USP6: variants seen among roughly 807,000 people sequenced by gnomAD.
USP6 encodes ubiquitin carboxyl-terminal hydrolase 6.
Under a neutral mutation model 175.7 loss-of-function variants are expected in USP6, and 128 were observed. That is an observed-to-expected ratio of 0.73 (90% CI 0.63 to 0.84). USP6 has a LOEUF of 0.84. USP6 is among the 40% of genes least tolerant of loss of function. The pLI, the probability that USP6 is intolerant of heterozygous loss-of-function variation, is 0.00. For missense variants in USP6, 1,498 were observed against 1,760.3 expected, an observed-to-expected ratio of 0.85 and a Z score of 2.67; for synonymous variants, 562 against 630.6, an observed-to-expected ratio of 0.89 and a Z score of 1.63.
chr17:5,119,020 C>T (rs1292110411), intron 2 of USP6, among the ~76,000 whole-genome samples: 7 of 152,142 alleles, frequency 4.6e-5, no homozygotes, highest in East Asian at 1.9e-4. Flanking sequence ...TCAGGCTTTT[C>T]GGCTCAAAGA....
At chr17:5,159,703 C>T (rs1425312148) in intron 31 of USP6, among the ~76,000 whole-genome samples, 1 of 152,146 alleles carries the variant, frequency 6.6e-6, no homozygotes, top group Non-Finnish European at 1.5e-5. Context: ...TGGCTCAAGC[C>T]TGTAATCCCA....
intron 21 of USP6, chr17:5,138,971 G>A (rs1186950061): frequency 6.8e-7 from 1 of 1,475,178 alleles, no homozygotes; most frequent in East Asian, 2.7e-5. Flanking sequence ...CATATCCCAG[G>A]CCCAACAGCC....
chr17:5,166,065 G>A (rs1306485724), intron 33 of USP6, among the ~76,000 whole-genome samples: 1 of 152,122 alleles, frequency 6.6e-6, no homozygotes, highest in African/African-American at 2.4e-5. Context: ...AAACACTATC[G>A]TATATGATAC....
At chr17:5,154,934 C>T (rs2073849874) in intron 30 of USP6, among the ~76,000 whole-genome samples, 1 of 152,120 alleles carries the variant, frequency 6.6e-6, no homozygotes, top group African/African-American at 2.4e-5. Flanking sequence ...TGGGGTCTCC[C>T]TACATTGCCC....
chr17:5,126,302 A>T (rs1164126979), intron 6 of USP6, among the ~76,000 whole-genome samples: 2 of 152,208 alleles, frequency 1.3e-5, no homozygotes, highest in African/African-American at 4.8e-5. Context: ...GATCCTCCCC[A>T]AAAGAGGCGT....
intron 28 of USP6, among the ~76,000 whole-genome samples, chr17:5,146,667 C>G (rs1431672371): frequency 6.6e-6 from 1 of 152,150 alleles, no homozygotes; most frequent in African/African-American, 2.4e-5. Flanking sequence ...AACAAATAAT[C>G]TAATAAATAT....
rs765892915 is a variant in USP6, at chr17:5,133,469, T to C, written c.303T>C (p.Ile101=). 1.9e-6 allele frequency: 3 copies of C among 1,611,674 alleles called. No individual in the cohort carries two copies. Among genetic ancestry groups the C allele is most frequent in the South Asian group, 2.2e-5 (2 of 90,978 alleles). Residue 101 remains isoleucine (I), a synonymous_variant, in exon 14 of 38, where the codon ATT becomes ATC. Transcript: ENST00000574788. ...TCATAGATCGAGTGTACAAGGGAATTCCCATGAACATCCGGGGCCCGGTGT... is the reference window on the plus strand; with the variant it reads ...TCATAGATCGAGTGTACAAGGGAATCCCCATGAACATCCGGGGCCCGGTGT... The part of the protein sequence containing the change: ...SKLIDRVYKG[I]PMNIRGPVWS...
In USP6 at chr17:5,161,615, G is replaced by A. The variant is rs759563760; in HGVS notation, c.2915+1G>A. The A allele has an allele frequency of 7.4e-6, 12 of 1,613,542 alleles. No homozygotes were observed. The highest frequency in any genetic ancestry group is 1.6e-4 in the Middle Eastern group (1 of 6,074). On this transcript the variant is annotated splice_donor_variant, in intron 32 of 37. Coordinates refer to ENST00000574788, the MANE Select transcript of USP6 (RefSeq NM_001304284.2). LOFTEE classifies it high-confidence loss of function. ...CCTGTGCTTGGTGCCCACAGTATAG[G>A]TAAAGTGACCTGCAAAAGAATTACT...
chr17:5,161,436 C>A, intron 31 of USP6, 92 bp from the exon 32 acceptor site: 1 of 1,349,678 alleles, frequency 7.4e-7, no homozygotes, highest in East Asian at 2.4e-5. Flanking sequence ...GGCAAATGCC[C>A]CTTCCTAGGA....
chr17:5,135,377 T>C (rs533296773), intron 16 of USP6, 95 bp downstream of exon 16: 168 of 1,469,548 alleles, frequency 1.1e-4, no homozygotes, highest in Non-Finnish European at 1.5e-4. Flanking sequence ...TTAAAGTTGG[T>C]ATTTGTGACT....
At position 5,125,096 on chromosome 17, in the gene USP6, C is replaced by A. The variant is rs1268417911; in HGVS notation, c.-768C>A. 1 of 152,160 alleles carries A rather than the reference C, an allele frequency of 6.6e-6. No homozygotes were observed. Among genetic ancestry groups the A allele is most frequent in the African/African-American group, 2.4e-5 (1 of 41,400 alleles). The allele number at this position is 152,160 out of a possible 1,614,324, so 9.4% of individuals were successfully genotyped here. On this transcript the variant is annotated 5_prime_UTR_variant, in exon 5 of 38. Coordinates refer to ENST00000574788, the MANE Select transcript of USP6 (RefSeq NM_001304284.2). Reference sequence around the variant, plus strand: ...CTGCCTCCTGTCAGATGAGCGGTGCCGTTAGATTCTCACAGAAGCATGAAC... The same window carrying A: ...CTGCCTCCTGTCAGATGAGCGGTGCAGTTAGATTCTCACAGAAGCATGAAC...
At position 5,155,614 on chromosome 17, in the gene USP6, CA is replaced by C; in HGVS notation, c.2828+9del. On this transcript the variant is annotated intron_variant, in intron 31 of 37. Transcript: ENST00000574788. ...TATTCATGCCCAGGATCGGTGAGTT[CA>C]GGGGATCCATCTAAACCTGTGGTTT... 1.2e-6 allele frequency: 2 copies of C among 1,612,672 alleles called. No homozygotes were observed. Among genetic ancestry groups the C allele is most frequent in the South Asian group, 2.2e-5 (2 of 90,876 alleles).
chr17:5,119,719 A>G (rs150099897), intron 2 of USP6, among the ~76,000 whole-genome samples: 102 of 152,302 alleles, frequency 6.7e-4, no homozygotes, highest in Non-Finnish European at 2.1e-4. Flanking sequence ...AATTATTATA[A>G]TTAATTATAA....
In USP6 at chr17:5,141,311, T is replaced by C. The variant is rs780131544; in HGVS notation, c.1499-114T>C. The C allele has an allele frequency of 3.6e-5, 34 of 934,138 alleles. 1 individual carries two copies. Among genetic ancestry groups the C allele is most frequent in the Non-Finnish European group, 5.2e-5 (32 of 612,400 alleles). 57.9% of individuals were successfully genotyped at this position (934,138 alleles called of 1,614,324 possible). On this transcript the variant is annotated intron_variant, in intron 22 of 37. Transcript: ENST00000574788. The stretch of plus-strand genomic sequence containing the variant: ...AATGCATGTACTAAAATTAGCTAGA[T>C]TTTAAAACTTCCGATTTAGGAATAA...
chr17:5,132,530 G>A lies in USP6; in HGVS notation c.195+95G>A, dbSNP rs553006079. 9.3e-5 allele frequency: 149 copies of A among 1,602,444 alleles called. No homozygotes were observed. The African/African-American group carries it at 1.8e-3, about 19-fold the overall frequency. The stretch of plus-strand genomic sequence containing the variant: ...GGAAGCAGCTGGCCTGGGCGGTGGC[G>A]GGTGAGGGCAACACGCTGTCACTGG... On this transcript the variant is annotated intron_variant, in intron 12 of 37. Coordinates refer to ENST00000574788, the MANE Select transcript of USP6 (RefSeq NM_001304284.2). This position sits in a 1 kb window ranked among gnomAD's most constrained non-coding sequence, Gnocchi z 4.7.
At chr17:5,170,394 A>G in intron 35 of USP6, 85 bp from the exon 36 acceptor site, 1 of 1,534,290 alleles carries the variant, frequency 6.5e-7, no homozygotes, top group Non-Finnish European at 8.8e-7. Context: ...GTACAGTTGC[A>G]AAGCTAACCT....
chr17:5,172,557 A>G (rs142564915), intron 37 of USP6, among the ~76,000 whole-genome samples: 8,681 of 152,140 alleles, frequency 0.057, 311 homozygotes, highest in East Asian at 0.14. Context: ...CAAAATAAAT[A>G]ATTAGAATTT....
In USP6 at chr17:5,137,529, G is replaced by A. The variant is rs114274445; in HGVS notation, c.826-122G>A. The A allele has an allele frequency of 1.8e-3, 1,786 of 1,007,450 alleles. 23 individuals carry two copies. The African/African-American group carries it at 0.025, about 14-fold the overall frequency. The allele number at this position is 1,007,450 out of a possible 1,614,324, so 62.4% of individuals were successfully genotyped here. On this transcript the variant is annotated intron_variant, in intron 19 of 37. Transcript: ENST00000574788. ...CTTTTCTGACTCAGCATTCTGGAGG[G>A]CTCAGGTGACCCTCATGGGGAAGGT... is the stretch of plus-strand genomic sequence containing the variant.
At chr17:5,136,826 G>T in intron 18 of USP6, 92 bp downstream of exon 18, 2 of 1,544,220 alleles carry the variant, frequency 1.3e-6, no homozygotes, top group South Asian at 1.1e-5. Flanking sequence ...TGGGACTGGT[G>T]ACTGGCGGAG....
Sources: allele counts gnomAD v4.1 joint callset (sites outside exome capture counted in the v4.1 genomes callset), GRCh38; gene constraint gnomAD v4.1.1; non-coding constraint Gnocchi (gnomAD v3.1); transcripts MANE v1.5; gene names NCBI Gene and HGNC (gene_info 2026-07-23, HGNC 2026-07-21).